The following ACAA1 variants were observed in gnomAD, a reference collection of about 807,000 sequenced individuals.
The protein encoded by ACAA1 is acetyl-CoA acyltransferase 1, also known as 3-ketoacyl-CoA thiolase, peroxisomal.
A neutral mutation model predicts 48.8 loss-of-function variants in ACAA1; 44 were observed. That is an observed-to-expected ratio of 0.90 (90% CI 0.71 to 1.16). The LOEUF (loss-of-function observed/expected upper bound fraction) is 1.16. Ranked by LOEUF, ACAA1 falls within the 50% of genes most tolerant of loss-of-function variation. The probability of loss-of-function intolerance (pLI) is 0.00; values close to 1 mark genes in which losing one functional copy is unlikely to be tolerated. For missense variants in ACAA1, 512 were observed against 562.3 expected (o/e 0.91, Z 0.90); for synonymous variants, 233 against 226.5 (o/e 1.03, Z -0.26).
intron 3 of ACAA1, among the ~76,000 whole-genome samples, chr3:38,132,799 A>T (rs1700814631): frequency 6.6e-6 from 1 of 151,680 alleles, no homozygotes; most frequent in East Asian, 1.9e-4. Flanking sequence ...CTCTGCAGAG[A>T]CTCTCTCAGG....
intron 5 of ACAA1, among the ~76,000 whole-genome samples, chr3:38,130,628 T>C (rs1700768095): frequency 6.6e-6 from 1 of 152,128 alleles, no homozygotes; most frequent in Non-Finnish European, 1.5e-5. Context: ...AATCAGATAC[T>C]CTCTAAGAAA....
intron 5 of ACAA1, among the ~76,000 whole-genome samples, chr3:38,130,399 C>T (rs1234067857): frequency 6.6e-6 from 1 of 152,230 alleles, no homozygotes; most frequent in Non-Finnish European, 1.5e-5. Flanking sequence ...TTTTATAGAT[C>T]AGGAGACTGA....
rs1274439819 is a variant in ACAA1 at position 38,129,179 on chromosome 3, A to G, written c.545+111T>C. ...GTCCCTGCGGAGCAGACCATGCCCA[A>G]AGGAAGGAGGCCAAGGCTTGGCACC... On this transcript the variant is annotated intron_variant, in intron 6 of 11. Transcript: ENST00000333167. The surrounding 1 kb of genome is among the most constrained non-coding windows in gnomAD (Gnocchi z 5.3). 2 of 948,674 alleles carry G rather than the reference A, an allele frequency of 2.1e-6. No homozygotes were observed. The highest frequency in any genetic ancestry group is 3.2e-6 in the Non-Finnish European group (2 of 618,384). 58.8% of individuals were successfully genotyped at this position (948,674 alleles called of 1,614,324 possible).
Position 38,122,735 on chromosome 3 carries a change from A to C in ACAA1, c.*312T>G. 2 of 1,314,236 alleles carry C rather than the reference A, an allele frequency of 1.5e-6. No homozygotes were observed. Among genetic ancestry groups the C allele is most frequent in the Non-Finnish European group, 2.0e-6 (2 of 999,354 alleles). 81.4% of individuals were successfully genotyped at this position (1,314,236 alleles called of 1,614,324 possible). On this transcript the variant is annotated 3_prime_UTR_variant, in exon 12 of 12. Transcript: ENST00000333167. ...TAAGATAAATTCATGCACTTTTACT[A>C]TGCCCATTGCACTTCTCATCCATGG...
chr3:38,127,690 G>T, intron 7 of ACAA1, 96 bp downstream of exon 7: 1 of 1,309,430 alleles, frequency 7.6e-7, no homozygotes, highest in Non-Finnish European at 1.1e-6. Flanking sequence ...TCACTGCCCA[G>T]CAGTAACCAC....
Position 38,127,835 on chromosome 3 carries a change from C to T in ACAA1, c.577G>A (p.Gly193Ser), listed in dbSNP as rs558208794. ...GTATCCTGCTTCTCCCGTGAAATGCCAAACCGCTCAGCCACATTCTCAGAG... is the reference window on the plus strand; with the variant it reads ...GTATCCTGCTTCTCCCGTGAAATGCTAAACCGCTCAGCCACATTCTCAGAG... Reference protein sequence around the residue: ...ITSENVAERFGISREKQDTFA... With the variant: ...ITSENVAERFSISREKQDTFA... The change falls in exon 7 of 12, where the codon GGC (glycine) becomes AGC (serine). Residue 193 changes from glycine (G) to serine (S), a missense_variant. Physicochemically the swap from Gly to Ser is moderately conservative, Grantham distance 56. Coordinates refer to ENST00000333167, the MANE Select transcript of ACAA1 (RefSeq NM_001607.4). 8 of 1,614,180 alleles carry T rather than the reference C, an allele frequency of 5.0e-6. No individual in the cohort carries two copies. The African/African-American group carries it at 1.1e-4, about 22-fold the overall frequency.
rs201538385 is a variant in ACAA1, at chr3:38,131,902, G to A, written c.403+24C>T. The A allele has an allele frequency of 2.6e-5, 42 of 1,605,784 alleles. No individual in the cohort carries two copies. In the African/African-American group the frequency reaches 4.8e-4, roughly 18 times the overall value. On this transcript the variant is annotated intron_variant, in intron 4 of 11. Coordinates refer to ENST00000333167, the MANE Select transcript of ACAA1 (RefSeq NM_001607.4). ...CCCAAACCCACAGGTCCAGGACCAAGGCACCCACCCAGTCATAACTTACCT... is the reference window on the plus strand; with the variant it reads ...CCCAAACCCACAGGTCCAGGACCAAAGCACCCACCCAGTCATAACTTACCT...
Position 38,136,931 on chromosome 3 carries a change from G to A in ACAA1, c.105C>T (p.Ala35=). 1 of 1,540,246 alleles carries A rather than the reference G, an allele frequency of 6.5e-7. No individual in the cohort carries two copies. The change falls in exon 1 of 12, where the codon GCC becomes GCT. Residue 35 remains alanine, a synonymous_variant. Transcript: ENST00000333167. ...GCCCGTGCACCACCACCACGTCCGC[G>A]GCCGAGGCCTGCGGGGCACCGCTCA... ...PCLSGAPQAS[A]ADVVVVHGRR...
Position 38,126,682 on chromosome 3 carries a change from G to A in ACAA1, c.645C>T (p.Ser215=), listed in dbSNP as rs917285306. The change falls in exon 8 of 12, where the codon AGC becomes AGT. Residue 215 remains serine, a synonymous_variant. Transcript: ENST00000333167. This position sits in a 1 kb window ranked among gnomAD's most constrained non-coding sequence, Gnocchi z 4.7. ...CAATCTCAGCTTGGAAACAGCCCTT[G>A]CTCTGGGCTCTTGCTGCCCTGCCAG... is the stretch of plus-strand genomic sequence containing the variant. ...ASQQKAARAQ[S]KGCFQAEIVP... 5.0e-6 allele frequency: 8 copies of A among 1,613,644 alleles called. No individual in the cohort carries two copies. The African/African-American group carries it at 6.7e-5, about 13-fold the overall frequency.
intron 5 of ACAA1, 118 bp downstream of exon 5, chr3:38,131,478 G>C (rs999505438): frequency 1.8e-5 from 19 of 1,083,458 alleles, no homozygotes; most frequent in Non-Finnish European, 2.4e-5. Flanking sequence ...CCCACTCGTG[G>C]CCAGCTGCCT....
intron 2 of ACAA1, 33 bp from the exon 3 acceptor site, chr3:38,134,042 C>A (rs764647462): frequency 6.2e-7 from 1 of 1,601,444 alleles, no homozygotes; most frequent in Non-Finnish European, 8.5e-7. Flanking sequence ...CAGTGCCAGG[C>A]GGTGGTGTTC....
chr3:38,134,405 G>A (rs558977598), intron 2 of ACAA1: 73 of 428,230 alleles, frequency 1.7e-4, no homozygotes, highest in African/African-American at 1.4e-3. Flanking sequence ...GGTGGCATCC[G>A]CTGGATAAGA....
intron 2 of ACAA1, 56 bp from the exon 3 acceptor site, chr3:38,134,065 T>C: frequency 1.3e-6 from 2 of 1,538,998 alleles, no homozygotes; most frequent in Non-Finnish European, 1.8e-6. Flanking sequence ...GGCACTAAAG[T>C]ATAGCTGTGA....
intron 6 of ACAA1, among the ~76,000 whole-genome samples, chr3:38,128,133 G>A (rs983162225): frequency 6.6e-6 from 1 of 152,210 alleles, no homozygotes; most frequent in Non-Finnish European, 1.5e-5. Context: ...CTTCAAGAGA[G>A]GGCAGCCTGC....
intron 4 of ACAA1, 134 bp from the exon 5 acceptor site, chr3:38,131,772 G>A: frequency 7.8e-7 from 1 of 1,280,266 alleles, no homozygotes; most frequent in South Asian, 1.2e-5. Flanking sequence ...GGAGTGTTCA[G>A]AAAAGGCTTT....
At position 38,126,493 on chromosome 3, in the gene ACAA1, C is replaced by A. The variant is rs769118846; in HGVS notation, c.817+17G>T. The stretch of plus-strand genomic sequence containing the variant: ...CATGGCCTGCTTTCTCATACCCCTA[C>A]CCCGGACCAGTCTCACCAGCTGTGG... On this transcript the variant is annotated intron_variant, in intron 8 of 11. Transcript: ENST00000333167. The surrounding 1 kb of genome is among the most constrained non-coding windows in gnomAD (Gnocchi z 4.7). 1 of 1,614,210 alleles carries A rather than the reference C, an allele frequency of 6.2e-7. No homozygotes were observed. Among genetic ancestry groups the A allele is most frequent in the South Asian group, 1.1e-5 (1 of 91,090 alleles).
In ACAA1 at chr3:38,129,551, C is replaced by T. The variant is rs1700745398; in HGVS notation, c.447-163G>A. ...AGGCAGGGCACTTGGCCAGCAAGGCCCAGCCACGAGTACTGAGCCCTGTCT... is the reference window on the plus strand; with the variant it reads ...AGGCAGGGCACTTGGCCAGCAAGGCTCAGCCACGAGTACTGAGCCCTGTCT... On this transcript the variant is annotated intron_variant, in intron 5 of 11. Transcript: ENST00000333167. This position sits in a 1 kb window ranked among gnomAD's most constrained non-coding sequence, Gnocchi z 5.3. 6.6e-6 allele frequency among the ~76,000 whole-genome samples: 1 copy of T among 152,182 alleles called. No individual in the cohort carries two copies. Among genetic ancestry groups the T allele is most frequent in the Admixed American group, 6.5e-5 (1 of 15,286 alleles).
At chr3:38,134,831 T>A (rs748967442) in intron 2 of ACAA1, among the ~76,000 whole-genome samples, 1 of 152,184 alleles carries the variant, frequency 6.6e-6, no homozygotes, top group Non-Finnish European at 1.5e-5. Context: ...TTCCCCCCAC[T>A]GAGACAGCCT....
intron 6 of ACAA1, 88 bp from the exon 7 acceptor site, chr3:38,127,954 G>T: frequency 7.2e-7 from 1 of 1,382,066 alleles, no homozygotes; most frequent in South Asian, 1.2e-5. Context: ...GGAACTTTGG[G>T]TTCCCAAGGC....
Sources: allele counts gnomAD v4.1 joint callset (sites outside exome capture counted in the v4.1 genomes callset), GRCh38; gene constraint gnomAD v4.1.1; non-coding constraint Gnocchi (gnomAD v3.1); transcripts MANE v1.5; gene names NCBI Gene and HGNC (gene_info 2026-07-23, HGNC 2026-07-21).